Variants in HTR2B observed in about 807,000 individuals in gnomAD.
HTR2B encodes the protein 5-HT 2B receptor.
Under a neutral mutation model 39.8 loss-of-function variants are expected in HTR2B, and 31 were observed. The ratio of observed to expected loss-of-function variants is 0.78; its 90% CI spans 0.58 to 1.05. The LOEUF is 1.05. HTR2B is among the 50% of genes least tolerant of loss of function. The pLI is 0.00. For missense variants in HTR2B, 562 were observed against 578.0 expected (o/e 0.97, Z 0.28); for synonymous variants, 210 against 207.1 (o/e 1.01, Z -0.12).
rs556622884 is a variant in HTR2B, at chr2:231,111,630, T to C, written c.553+2099A>G. Among the ~76,000 whole-genome samples the C allele has an allele frequency of 2.6e-5, 4 of 152,360 alleles. No homozygotes were observed. In the East Asian group the frequency reaches 7.7e-4, roughly 29 times the overall value. On this transcript the variant is annotated intron_variant, in intron 3 of 3. Transcript: ENST00000258400. ...AACTGAGCTTATTGTCATCTGCATT[T>C]TCATTTTTTCAAAGTTATTAATTTG...
intron 2 of HTR2B, among the ~76,000 whole-genome samples, chr2:231,115,395 T>C (rs1334428986): frequency 6.6e-6 from 1 of 152,170 alleles, no homozygotes; most frequent in Non-Finnish European, 1.5e-5. Context: ...TGTGGCATTC[T>C]GAATAAGAAT....
At chr2:231,111,901 A>G (rs78333801) in intron 3 of HTR2B, among the ~76,000 whole-genome samples, 3,388 of 152,246 alleles carry the variant, frequency 0.022, 136 homozygotes, top group African/African-American at 0.077. Context: ...CCTTTCTTGA[A>G]TGCAAAGATT....
At chr2:231,111,127 A>G (rs958972448) in intron 3 of HTR2B, among the ~76,000 whole-genome samples, 1 of 152,082 alleles carries the variant, frequency 6.6e-6, no homozygotes, top group African/African-American at 2.4e-5. Flanking sequence ...CAGTGCCAGC[A>G]TTTTCTACTT....
chr2:231,114,907 A>G (rs572053276), intron 2 of HTR2B, among the ~76,000 whole-genome samples: 94 of 152,338 alleles, frequency 6.2e-4, no homozygotes, highest in Non-Finnish European at 1.1e-3. Flanking sequence ...GAATATTTCC[A>G]TTAGAATCCA....
At chr2:231,114,014 G>A in intron 2 of HTR2B, 85 bp from the exon 3 acceptor site, 3 of 1,066,366 alleles carry the variant, frequency 2.8e-6, no homozygotes, top group Non-Finnish European at 4.3e-6. Flanking sequence ...TACATCTTTT[G>A]TCTTTTTTGT....
At chr2:231,121,054 G>T in intron 2 of HTR2B, among the ~76,000 whole-genome samples, 1 of 152,142 alleles carries the variant, frequency 6.6e-6, no homozygotes, top group East Asian at 1.9e-4. Flanking sequence ...AGGGCAACAT[G>T]TGTTTTTTTC....
chr2:231,113,371 G>A (rs1574740631), intron 3 of HTR2B, among the ~76,000 whole-genome samples: 1 of 152,232 alleles, frequency 6.6e-6, no homozygotes, highest in African/African-American at 2.4e-5. Context: ...TTATTTTAAT[G>A]TAATTACAGG....
rs144261104 is a variant in HTR2B, at chr2:231,109,654, A to T, written c.554-245T>A. 8.8e-4 allele frequency among the ~76,000 whole-genome samples: 134 copies of T among 152,302 alleles called. 1 individual carries two copies. Among genetic ancestry groups the T allele is most frequent in the African/African-American group, 3.0e-3 (124 of 41,556 alleles). The stretch of plus-strand genomic sequence containing the variant: ...CAGATTTATAATGAAAGCTCCCCTA[A>T]AGCTATAGTATATCCATGATACAGT... On this transcript the variant is annotated intron_variant, in intron 3 of 3. Transcript: ENST00000258400.
At chr2:231,116,107 T>TC in intron 2 of HTR2B, among the ~76,000 whole-genome samples, 1 of 152,110 alleles carries the variant, frequency 6.6e-6, no homozygotes, top group Non-Finnish European at 1.5e-5. Flanking sequence ...GAAAATCTAA[T>TC]CAATTGGATT....
At position 231,108,431 on chromosome 2, in the gene HTR2B, A is replaced by G; in HGVS notation, c.*86T>C. On this transcript the variant is annotated 3_prime_UTR_variant, in exon 4 of 4. Coordinates refer to ENST00000258400, the MANE Select transcript of HTR2B (RefSeq NM_000867.5). ...GAGATGATTTGATATATGACATAAA[A>G]TTCTTTATATAATATATTCTTGGCA... 2.1e-6 allele frequency: 2 copies of G among 938,244 alleles called. No homozygotes were observed. The highest frequency in any genetic ancestry group is 1.5e-5 in the South Asian group (1 of 68,178). The allele number at this position is 938,244 out of a possible 1,614,324, so 58.1% of individuals were successfully genotyped here.
chr2:231,122,247 T>G (rs573488796), intron 2 of HTR2B, among the ~76,000 whole-genome samples: 1 of 152,258 alleles, frequency 6.6e-6, no homozygotes, highest in African/African-American at 2.4e-5. Context: ...CAGGTAAATG[T>G]TGATTTAAAA....
At position 231,123,892 on chromosome 2, in the gene HTR2B, C is replaced by A; in HGVS notation, c.-128G>T. ...ACTCAAAAGCCAAAGTTGACACCTTCCTTTAAAAAAAAAAATTCAAGTTCT... is the reference window on the plus strand; with the variant it reads ...ACTCAAAAGCCAAAGTTGACACCTTACTTTAAAAAAAAAAATTCAAGTTCT... On this transcript the variant is annotated 5_prime_UTR_variant, in exon 2 of 4. It introduces an in-frame stop codon into an upstream open reading frame of the 5' UTR. Transcript: ENST00000258400. 1.4e-6 allele frequency: 1 copy of A among 739,724 alleles called. No homozygotes were observed. The allele number at this position is 739,724 out of a possible 1,614,324, so 45.8% of individuals were successfully genotyped here.
In HTR2B at chr2:231,109,087, A is replaced by G; in HGVS notation, c.876T>C (p.Ala292=). 1 of 1,614,210 alleles carries G rather than the reference A, an allele frequency of 6.2e-7. No individual in the cohort carries two copies. Among genetic ancestry groups the G allele is most frequent in the Non-Finnish European group, 8.5e-7 (1 of 1,180,024 alleles). ...GTGTTTCATCACCTGAGTTGGGCAG[A>G]GCCTTGTCCTTTCGAGAACCATCCA... ...AMLDGSRKDK[A]LPNSGDETLM... is the part of the protein sequence containing the mutation. Residue 292 remains alanine, a synonymous_variant, in exon 4 of 4, where the codon GCT becomes GCC. Transcript: ENST00000258400.
In HTR2B at chr2:231,123,903, AAAAATT is replaced by A. The variant is rs1250176470; in HGVS notation, c.-145_-140del. 4 of 715,106 alleles carry A rather than the reference AAAAATT, an allele frequency of 5.6e-6. No homozygotes were observed. The Admixed American group carries it at 8.3e-5, about 15-fold the overall frequency. 44.3% of individuals were successfully genotyped at this position (715,106 alleles called of 1,614,324 possible). On this transcript the variant is annotated 5_prime_UTR_variant, in exon 2 of 4. Transcript: ENST00000258400. ...AAAGTTGACACCTTCCTTTAAAAAA[AAAAATT>A]CAAGTTCTCTAAAATGAGCGCATAC...
chr2:231,110,224 G>C (rs187036547), intron 3 of HTR2B, among the ~76,000 whole-genome samples: 24 of 152,008 alleles, frequency 1.6e-4, no homozygotes, highest in Admixed American at 1.4e-3. Flanking sequence ...GGAGGCTAAG[G>C]TGGGAGAATC....
chr2:231,117,187 G>A (rs977146481), intron 2 of HTR2B, among the ~76,000 whole-genome samples: 1 of 151,934 alleles, frequency 6.6e-6, no homozygotes, highest in Admixed American at 6.6e-5. Flanking sequence ...AGTTGGTATG[G>A]TGAAATACTT....
chr2:231,114,554 C>T (rs1695267117), intron 2 of HTR2B, among the ~76,000 whole-genome samples: 1 of 152,040 alleles, frequency 6.6e-6, no homozygotes, highest in Non-Finnish European at 1.5e-5. Context: ...ATTGTTTCCC[C>T]TTCTATATTT....
At chr2:231,120,524 A>C (rs1320490334) in intron 2 of HTR2B, among the ~76,000 whole-genome samples, 1 of 152,218 alleles carries the variant, frequency 6.6e-6, no homozygotes, top group Non-Finnish European at 1.5e-5. Context: ...TTGACCTAGC[A>C]CAACTCATTT....
In HTR2B at chr2:231,109,108, A is replaced by G. The variant is rs200661842; in HGVS notation, c.855T>C (p.Asp285=). 4.3e-6 allele frequency: 7 copies of G among 1,614,168 alleles called. No individual in the cohort carries two copies. In the East Asian group the frequency reaches 1.6e-4, roughly 36 times the overall value. ...CSSPEKVAML[D]GSRKDKALPN... is the part of the protein sequence containing the mutation. ...GCAGAGCCTTGTCCTTTCGAGAACC[A>G]TCCAGCATTGCCACCTTTTCCGGTG... Residue 285 remains aspartate (D), a synonymous_variant, in exon 4 of 4, where the codon GAT becomes GAC. Coordinates refer to ENST00000258400, the MANE Select transcript of HTR2B (RefSeq NM_000867.5).
Sources: gnomAD v4.1 joint callset for allele counts (sites outside exome capture counted in the v4.1 genomes callset) on GRCh38, gnomAD v4.1.1 for gene constraint, MANE v1.5 for transcripts, NCBI Gene and HGNC (gene_info 2026-07-23, HGNC 2026-07-21) for gene names.